Variants in CDH12 observed in about 807,000 individuals in gnomAD.
CDH12 encodes the protein cadherin-12.
In CDH12, 41 loss-of-function variants were observed where a neutral mutation model predicts 74.1. The observed-to-expected ratio is 0.55, with a 90% confidence interval of 0.43 to 0.72. The LOEUF is 0.72. Among genes scored for constraint, CDH12 ranks in the 30% least tolerant of loss-of-function variants. The pLI is 0.00. For missense variants in CDH12, 945 were observed against 977.2 expected, an observed-to-expected ratio of 0.97 and a Z score of 0.44; for synonymous variants, 399 against 355.0, an observed-to-expected ratio of 1.12 and a Z score of -1.39.
chr5:22,164,389 C>T (rs548595450), intron 4 of CDH12, among the ~76,000 whole-genome samples: 92 of 152,290 alleles, frequency 6.0e-4, no homozygotes, highest in African/African-American at 2.0e-3. Flanking sequence ...GACTTTAACC[C>T]GATGGGGAGC....
intron 5 of CDH12, among the ~76,000 whole-genome samples, chr5:22,003,546 T>C (rs944282683): frequency 4.6e-5 from 7 of 152,186 alleles, no homozygotes; most frequent in Non-Finnish European, 8.8e-5. Flanking sequence ...AGGGCCTCAA[T>C]TACATTGGCA....
At chr5:22,513,373 CA>C (rs34442281) in intron 1 of CDH12, among the ~76,000 whole-genome samples, 3,251 of 139,600 alleles carry the variant, frequency 0.023, 82 homozygotes, top group African/African-American at 0.068. Context: ...ACAACAGGTT[CA>C]AAAAAAAAAA....
chr5:22,376,960 T>C (rs1215855267), intron 3 of CDH12, among the ~76,000 whole-genome samples: 1 of 152,152 alleles, frequency 6.6e-6, no homozygotes, highest in East Asian at 1.9e-4. Context: ...AAATTTGATT[T>C]GGCTGAATTA....
chr5:21,833,101 A>ATGT (rs1408015249), intron 8 of CDH12, among the ~76,000 whole-genome samples: 17 of 77,034 alleles, frequency 2.2e-4, no homozygotes, highest in African/African-American at 6.1e-4. Context: ...TATATATTAT[A>ATGT]TATTATATAA....
chr5:22,014,534 C>T (rs970277967), intron 5 of CDH12, among the ~76,000 whole-genome samples: 4 of 151,872 alleles, frequency 2.6e-5, no homozygotes, highest in African/African-American at 9.7e-5. Flanking sequence ...ATAGACATAA[C>T]CTTTTCTTGA....
At chr5:22,331,554 T>C (rs777503742) in intron 3 of CDH12, among the ~76,000 whole-genome samples, 27 of 152,164 alleles carry the variant, frequency 1.8e-4, no homozygotes, top group Non-Finnish European at 3.4e-4. Context: ...AAAGCCTTCC[T>C]AAGGAGGACA....
intron 1 of CDH12, among the ~76,000 whole-genome samples, chr5:22,556,733 C>A (rs901453623): frequency 6.6e-6 from 1 of 152,036 alleles, no homozygotes; most frequent in East Asian, 1.9e-4. Context: ...TTCATCTTGA[C>A]CATAGGTCCT....
intron 2 of CDH12, among the ~76,000 whole-genome samples, chr5:22,437,100 T>A (rs922241898): frequency 2.4e-4 from 37 of 152,230 alleles, no homozygotes; most frequent in African/African-American, 8.7e-4. Context: ...TCATTAAATA[T>A]TCAGAAAGAA....
intron 1 of CDH12, among the ~76,000 whole-genome samples, chr5:22,713,559 A>G (rs1311352672): frequency 6.6e-6 from 1 of 150,414 alleles, no homozygotes; most frequent in African/African-American, 2.4e-5. Flanking sequence ...AAAATGCTGG[A>G]AAAATGTGTG....
chr5:22,740,964 T>TA (rs1744997609), intron 1 of CDH12, among the ~76,000 whole-genome samples: 2 of 152,160 alleles, frequency 1.3e-5, no homozygotes, highest in Non-Finnish European at 2.9e-5. Flanking sequence ...TAGTATTTTT[T>TA]AGAAACAATA....
intron 3 of CDH12, among the ~76,000 whole-genome samples, chr5:22,256,768 AC>A (rs1259051180): frequency 1.3e-5 from 2 of 152,164 alleles, no homozygotes; most frequent in African/African-American, 2.4e-5. Context: ...TTAGTTTTTA[AC>A]AAAAACAGTT....
intron 1 of CDH12, among the ~76,000 whole-genome samples, chr5:22,818,639 A>C (rs1749511407): frequency 6.6e-6 from 1 of 152,138 alleles, no homozygotes; most frequent in Admixed American, 6.6e-5. Flanking sequence ...GTCATACTTT[A>C]ACTTACAAAA....
chr5:22,350,943 T>C (rs1740333142), intron 3 of CDH12, among the ~76,000 whole-genome samples: 1 of 152,176 alleles, frequency 6.6e-6, no homozygotes, highest in Admixed American at 6.5e-5. Flanking sequence ...TTCTAGAGAC[T>C]AATACATGTA....
chr5:21,965,781 T>A (rs1451938346), intron 6 of CDH12, among the ~76,000 whole-genome samples: 2 of 152,154 alleles, frequency 1.3e-5, no homozygotes, highest in East Asian at 1.9e-4. Flanking sequence ...TTTTTCAGCA[T>A]ACTTATATCA....
intron 1 of CDH12, among the ~76,000 whole-genome samples, chr5:22,838,108 G>C (rs1458896554): frequency 6.6e-6 from 1 of 152,192 alleles, no homozygotes; most frequent in East Asian, 1.9e-4. Flanking sequence ...GGCCCAGCTT[G>C]TCCTTGCTTT....
chr5:21,778,913 T>C (rs79780373), intron 11 of CDH12, among the ~76,000 whole-genome samples: 4,820 of 152,240 alleles, frequency 0.032, 91 homozygotes, highest in Middle Eastern at 0.058. Flanking sequence ...TTTTAAAAAG[T>C]TACAACATAA....
intron 6 of CDH12, among the ~76,000 whole-genome samples, chr5:21,953,881 G>C (rs1312352758): frequency 2.0e-5 from 3 of 151,880 alleles, no homozygotes; most frequent in Non-Finnish European, 4.4e-5. Context: ...ACAGAAAATT[G>C]GTTTCTCAGA....
chr5:22,126,003 G>A (rs553613317), intron 4 of CDH12, among the ~76,000 whole-genome samples: 1 of 146,198 alleles, frequency 6.8e-6, no homozygotes, highest in African/African-American at 2.5e-5. Context: ...TTCATTTTGG[G>A]GGGGGGACAA....
At chr5:22,115,100 T>C (rs574646235) in intron 4 of CDH12, among the ~76,000 whole-genome samples, 29 of 152,276 alleles carry the variant, frequency 1.9e-4, no homozygotes, top group Middle Eastern at 3.4e-3. Flanking sequence ...TAAACACTCT[T>C]TTATTTACAT....
Sources: allele counts gnomAD v4.1 joint callset (sites outside exome capture counted in the v4.1 genomes callset), GRCh38; gene constraint gnomAD v4.1.1; transcripts MANE v1.5; gene names NCBI Gene and HGNC (gene_info 2026-07-23, HGNC 2026-07-21).